Variants in BRAF observed in about 807,000 individuals in gnomAD.
The protein encoded by BRAF is B-Raf proto-oncogene, serine/threonine kinase, also known as serine/threonine-protein kinase B-raf.
A neutral mutation model predicts 104.6 loss-of-function variants in BRAF; 16 were observed. The observed-to-expected ratio is 0.15, with a 90% confidence interval of 0.10 to 0.23. The LOEUF (loss-of-function observed/expected upper bound fraction) is 0.23. Ranked by LOEUF, BRAF falls within the 10% of genes least tolerant of loss-of-function variation. The pLI is 1.00. For missense variants in BRAF, 541 were observed against 937.3 expected (o/e 0.58, Z 5.52); for synonymous variants, 310 against 341.6 (o/e 0.91, Z 1.02).
intron 9 of BRAF, among the ~76,000 whole-genome samples, chr7:140,787,302 A>G (rs951334713): frequency 8.1e-6 from 1 of 123,848 alleles, no homozygotes; most frequent in East Asian, 2.0e-4. Context: ...CTCCGTCTCA[A>G]AAAAAAAAAA....
intron 1 of BRAF, among the ~76,000 whole-genome samples, chr7:140,887,652 G>A (rs1813728109): frequency 6.6e-6 from 1 of 152,030 alleles, no homozygotes; most frequent in Admixed American, 6.5e-5. Flanking sequence ...CTTTTTTGGG[G>A]ATATAGGTAG....
At chr7:140,905,121 T>C (rs1468748654) in intron 1 of BRAF, among the ~76,000 whole-genome samples, 1 of 152,228 alleles carries the variant, frequency 6.6e-6, no homozygotes, top group Non-Finnish European at 1.5e-5. Flanking sequence ...AGCCTGCCAC[T>C]GTTGGGTAGA....
intron 1 of BRAF, among the ~76,000 whole-genome samples, chr7:140,908,157 A>G (rs1295688647): frequency 2.0e-5 from 3 of 152,088 alleles, no homozygotes; most frequent in African/African-American, 7.2e-5. Context: ...GATTTTATAG[A>G]TCTGTTTCTG....
chr7:140,716,155 A>G, downstream of BRAF, among the ~76,000 whole-genome samples: 1 of 152,226 alleles, frequency 6.6e-6, no homozygotes, highest in Non-Finnish European at 1.5e-5. Flanking sequence ...TGGCCAGTTG[A>G]GACCTCCTAA....
intron 18 of BRAF, among the ~76,000 whole-genome samples, chr7:140,739,306 C>T (rs748737427): frequency 1.3e-5 from 2 of 151,964 alleles, no homozygotes; most frequent in African/African-American, 2.4e-5. Context: ...AGTGCAAAAG[C>T]GGAGAATCCA....
At chr7:140,851,603 A>T (rs539875424) in intron 1 of BRAF, among the ~76,000 whole-genome samples, 1 of 152,262 alleles carries the variant, frequency 6.6e-6, no homozygotes, top group East Asian at 1.9e-4. Context: ...TAGGTATAGG[A>T]TTCCAGGATT....
intron 2 of BRAF, among the ~76,000 whole-genome samples, chr7:140,845,316 A>G (rs1808428664): frequency 6.6e-6 from 1 of 152,196 alleles, no homozygotes; most frequent in South Asian, 2.1e-4. Context: ...TTTGGTGATG[A>G]TTTCTTGGAT....
Position 140,834,601 on chromosome 7 carries a change from T to G in BRAF, c.504+8A>C, listed in dbSNP as rs769090099. 6.2e-7 allele frequency: 1 copy of G among 1,614,030 alleles called. No individual in the cohort carries two copies. The highest frequency in any genetic ancestry group is 1.7e-5 in the Admixed American group (1 of 59,998). ...AACAGCAAAATGGTGATATTAAAAC[T>G]GACTCACCACTGTCCTCTGTTTGTT... On this transcript the variant is annotated splice_region_variant and intron_variant, in intron 3 of 19. Coordinates refer to ENST00000644969, the MANE Select transcript of BRAF (RefSeq NM_001374258.1).
Position 140,721,640 on chromosome 7 carries a change from C to T in BRAF, c.*4854G>A. ...ATCACCTGAGGCAGAGATGCTACTA[C>T]CCTCTTCTGGGGCTCAACTACCGAT... On this transcript the variant is annotated 3_prime_UTR_variant, in exon 20 of 20. Transcript: ENST00000644969. 2 of 1,535,914 alleles carry T rather than the reference C, an allele frequency of 1.3e-6. No individual in the cohort carries two copies. The highest frequency in any genetic ancestry group is 2.4e-5 in the East Asian group (1 of 40,840).
intron 14 of BRAF, among the ~76,000 whole-genome samples, chr7:140,775,256 A>G (rs1800225488): frequency 1.3e-5 from 2 of 152,328 alleles, no homozygotes; most frequent in South Asian, 2.1e-4. Context: ...AGAAATTGCA[A>G]AGAGACCAGT....
intron 1 of BRAF, among the ~76,000 whole-genome samples, chr7:140,863,423 C>G (rs567731636): frequency 3.4e-4 from 52 of 152,250 alleles, no homozygotes; most frequent in African/African-American, 1.3e-3. Flanking sequence ...ATGAAGGATC[C>G]TGAAAGCCAC....
intron 10 of BRAF, 50 bp from the exon 10 acceptor site, chr7:140,783,207 TA>T (rs746817176): frequency 6.2e-6 from 10 of 1,603,310 alleles, no homozygotes; most frequent in Non-Finnish European, 8.5e-6. Context: ...GCAAGTATGT[TA>T]ATTTATCAGG....
At position 140,914,854 on chromosome 7, in the gene BRAF, A is replaced by G. The variant is rs983789811; in HGVS notation, c.138+9712T>C. ...GGAGATCGAGACCATCCTAGCTAAC[A>G]TGGTGAAATCCCATCTCTACCAAAA... On this transcript the variant is annotated intron_variant, in intron 1 of 19. Transcript: ENST00000644969. Among the ~76,000 whole-genome samples the G allele has an allele frequency of 2.7e-4, 41 of 151,384 alleles. 4 individuals are homozygous for G. Among genetic ancestry groups the G allele is most frequent in the South Asian group, 2.1e-4 (1 of 4,782 alleles).
intron 1 of BRAF, among the ~76,000 whole-genome samples, chr7:140,856,367 C>T (rs1267621): frequency 0.21 from 31,211 of 151,908 alleles, 3,881 homozygotes; most frequent in African/African-American, 0.35. Context: ...CCATCAACCA[C>T]TTAGTTGGAA....
intron 3 of BRAF, among the ~76,000 whole-genome samples, chr7:140,824,863 C>T (rs1292460566): frequency 6.6e-6 from 1 of 152,100 alleles, no homozygotes; most frequent in Non-Finnish European, 1.5e-5. Context: ...ATTTAATTTG[C>T]ATTTTCCTAA....
intron 1 of BRAF, among the ~76,000 whole-genome samples, chr7:140,901,105 A>G (rs1815578784): frequency 6.6e-6 from 1 of 152,234 alleles, no homozygotes. Context: ...GATCTATTAT[A>G]AGCAAAGTGT....
At chr7:140,766,206 C>G (rs1293241180) in intron 14 of BRAF, among the ~76,000 whole-genome samples, 2 of 151,764 alleles carry the variant, frequency 1.3e-5, no homozygotes, top group South Asian at 2.1e-4. Flanking sequence ...AACCAAACAC[C>G]GCATGTTCTC....
intron 1 of BRAF, among the ~76,000 whole-genome samples, chr7:140,860,482 G>A (rs74772468): frequency 0.1 from 10,097 of 98,650 alleles, 463 homozygotes; most frequent in African/African-American, 0.24. Flanking sequence ...AAAAAAAAAA[G>A]AAAAAAAAGA....
At chr7:140,810,547 G>C (rs1804146683) in intron 3 of BRAF, among the ~76,000 whole-genome samples, 1 of 152,114 alleles carries the variant, frequency 6.6e-6, no homozygotes, top group African/African-American at 2.4e-5. Flanking sequence ...TCCAGCCTGG[G>C]TGACAGAGCG....
Sources: gnomAD v4.1 joint callset for allele counts (sites outside exome capture counted in the v4.1 genomes callset) on GRCh38, gnomAD v4.1.1 for gene constraint, MANE v1.5 for transcripts, NCBI Gene and HGNC (gene_info 2026-07-23, HGNC 2026-07-21) for gene names.